Variants in TRPM3 observed in about 807,000 individuals in gnomAD.
TRPM3 encodes long transient receptor potential channel 3.
In TRPM3, 77 loss-of-function variants were observed where a neutral mutation model predicts 181.2. The observed-to-expected ratio is 0.42, with a 90% CI of 0.35 to 0.51. The LOEUF is 0.51. TRPM3 is among the 20% of genes least tolerant of loss of function. The pLI, the probability that TRPM3 is intolerant of heterozygous loss-of-function variation, is 0.01. For missense variants in TRPM3, 1,759 were observed against 2,196.7 expected, an observed-to-expected ratio of 0.80 and a Z score of 3.98; for synonymous variants, 745 against 796.4, an observed-to-expected ratio of 0.94 and a Z score of 1.09.
chr9:71,227,496 G>T (rs1227913494), intron 1 of TRPM3, among the ~76,000 whole-genome samples: 1 of 151,824 alleles, frequency 6.6e-6, no homozygotes, highest in Non-Finnish European at 1.5e-5. Context: ...TAACATAAGG[G>T]CCGAAATAAA....
intron 1 of TRPM3, among the ~76,000 whole-genome samples, chr9:71,401,483 T>C (rs1565536500): frequency 2.0e-5 from 3 of 152,148 alleles, no homozygotes; most frequent in Non-Finnish European, 4.4e-5. Context: ...AGTAGTGTTT[T>C]AAATTAGGTA....
chr9:71,426,706 G>A (rs1242092812), intron 1 of TRPM3, among the ~76,000 whole-genome samples: 1 of 152,046 alleles, frequency 6.6e-6, no homozygotes, highest in Non-Finnish European at 1.5e-5. Context: ...GTTTTGCTGT[G>A]AAAAGCTTCC....
intron 25 of TRPM3, 40 bp downstream of exon 25, chr9:70,549,502 C>T: frequency 1.9e-6 from 3 of 1,584,854 alleles, no homozygotes; most frequent in South Asian, 2.3e-5. Flanking sequence ...CATGCCTTGG[C>T]ACAACACATC....
At chr9:71,387,877 C>T (rs186598646) in intron 1 of TRPM3, among the ~76,000 whole-genome samples, 8 of 152,228 alleles carry the variant, frequency 5.3e-5, no homozygotes, top group East Asian at 1.9e-4. Flanking sequence ...CAGATGCATA[C>T]GTATATAACT....
At chr9:70,566,739 GAA>G in intron 22 of TRPM3, among the ~76,000 whole-genome samples, 1 of 152,152 alleles carries the variant, frequency 6.6e-6, no homozygotes, top group Non-Finnish European at 1.5e-5. Context: ...GAAGGCAGCT[GAA>G]TGTTGGTCCT....
At chr9:70,850,524 T>G (rs1220810895) in intron 3 of TRPM3, among the ~76,000 whole-genome samples, 8 of 152,266 alleles carry the variant, frequency 5.3e-5, no homozygotes, top group Admixed American at 1.3e-4. Flanking sequence ...CCAGGTATAT[T>G]CTTATCTCCA....
intron 1 of TRPM3, among the ~76,000 whole-genome samples, chr9:71,206,663 G>T (rs572859594): frequency 6.6e-6 from 1 of 152,088 alleles, no homozygotes; most frequent in Non-Finnish European, 1.5e-5. Flanking sequence ...CTTTGCTCAT[G>T]CCTATGTCCT....
chr9:71,135,450 C>T (rs547487179), intron 1 of TRPM3, among the ~76,000 whole-genome samples: 2 of 152,258 alleles, frequency 1.3e-5, no homozygotes, highest in South Asian at 4.1e-4. Flanking sequence ...GTTTGGGTCT[C>T]AGAATAATGT....
In TRPM3 at chr9:71,134,014, T is replaced by TGCGCGC. The variant is rs373984405; in HGVS notation, c.184-269504_184-269503insGCGCGC. Among the ~76,000 whole-genome samples the TGCGCGC allele has an allele frequency of 7.1e-4, 100 of 140,030 alleles. 1 individual carries two copies. The highest frequency in any genetic ancestry group is 9.6e-4 in the African/African-American group (37 of 38,678). The allele number at this position is 140,030 out of a possible 152,430, so 91.9% of individuals were successfully genotyped here. A position where few individuals can be genotyped will look rare whatever the true frequency, so the allele number is the denominator to read the frequency against. ...GTGTGTGTGTGTGTGTGTGTGTGTG[T>TGCGCGC]GCGCGTGCGCGCGCGCGCGTGTCTG... On this transcript the variant is annotated intron_variant, in intron 1 of 24. Coordinates refer to the TRPM3 transcript ENST00000357533.
intron 1 of TRPM3, among the ~76,000 whole-genome samples, chr9:71,308,407 C>T (rs1011442867): frequency 2.6e-5 from 4 of 152,088 alleles, no homozygotes; most frequent in Non-Finnish European, 5.9e-5. Context: ...GTTGTTTATA[C>T]ATCTAATTTA....
At chr9:71,377,721 C>A (rs1330288987) in intron 1 of TRPM3, among the ~76,000 whole-genome samples, 1 of 151,830 alleles carries the variant, frequency 6.6e-6, no homozygotes, top group Non-Finnish European at 1.5e-5. Flanking sequence ...TGTGAACACA[C>A]CAATGTTACT....
In TRPM3 at chr9:70,584,328, A is replaced by G. The variant is rs149673601; in HGVS notation, c.3223+6703T>C. 1.9e-3 allele frequency among the ~76,000 whole-genome samples: 288 copies of G among 152,254 alleles called. 1 individual carries two copies. Among genetic ancestry groups the G allele is most frequent in the African/African-American group, 6.7e-3 (277 of 41,562 alleles). On this transcript the variant is annotated intron_variant, in intron 22 of 25. Coordinates refer to ENST00000677713, the MANE Select transcript of TRPM3 (RefSeq NM_001366145.2). The stretch of plus-strand genomic sequence containing the variant: ...TTTTCTACATTGTGGTTCCGAGGCA[A>G]TGTCTGCATTTTTATTGATATTCTT...
chr9:70,939,327 C>CCCGA (rs2096862299), intron 1 of TRPM3, among the ~76,000 whole-genome samples: 2 of 152,208 alleles, frequency 1.3e-5, no homozygotes, highest in Admixed American at 1.3e-4. Flanking sequence ...GTGCTAATTA[C>CCCGA]CCGACAGTCC....
chr9:71,018,452 T>G (rs997377878), intron 1 of TRPM3, among the ~76,000 whole-genome samples: 5 of 151,636 alleles, frequency 3.3e-5, no homozygotes, highest in Admixed American at 2.6e-4. Context: ...ACAGAAAAGT[T>G]GCAAAAAACC....
chr9:71,357,217 C>T (rs928443233), intron 1 of TRPM3, among the ~76,000 whole-genome samples: 3 of 152,168 alleles, frequency 2.0e-5, no homozygotes, highest in Non-Finnish European at 4.4e-5. Context: ...GCAAGCTTTA[C>T]TTCTTGCTGC....
chr9:71,108,742 G>T (rs2070340537), intron 1 of TRPM3, among the ~76,000 whole-genome samples: 1 of 152,140 alleles, frequency 6.6e-6, no homozygotes, highest in Non-Finnish European at 1.5e-5. Flanking sequence ...GGGTCCCTGT[G>T]GCTGTACTTC....
Position 71,121,295 on chromosome 9 carries a change from CAAG to C in TRPM3, c.57_59del (p.Phe19del), listed in dbSNP as rs2073601995. ...CCCCTTCCAAATTCCACCAGGAAAA[CAAG>C]AAACTGAAAACCTGAGCAATGCCTA... On this transcript the variant is annotated inframe_deletion, in exon 1 of 26. Coordinates refer to ENST00000677713, the MANE Select transcript of TRPM3 (RefSeq NM_001366145.2). The C allele has an allele frequency of 6.2e-7, 1 of 1,614,054 alleles. No homozygotes were observed. Among genetic ancestry groups the C allele is most frequent in the Middle Eastern group, 1.6e-4 (1 of 6,062 alleles).
chr9:70,843,216 G>A lies in TRPM3; in HGVS notation c.677-89C>T, dbSNP rs557767963. 7.9e-5 allele frequency: 108 copies of A among 1,362,160 alleles called. 1 individual carries two copies. The East Asian group carries it at 1.1e-3, about 13-fold the overall frequency. 84.4% of individuals were successfully genotyped at this position (1,362,160 alleles called of 1,614,324 possible). A position where few individuals can be genotyped will look rare whatever the true frequency, so the allele number is the denominator to read the frequency against. ...GAAAACTGTGGTAATGGTTTCTCCC[G>A]AGGTTAAATAAATTGAATATAAAAT... On this transcript the variant is annotated intron_variant, in intron 4 of 25. Transcript: ENST00000677713.
chr9:71,077,222 G>A (rs1172048629), intron 1 of TRPM3, among the ~76,000 whole-genome samples: 2 of 152,086 alleles, frequency 1.3e-5, no homozygotes, highest in Non-Finnish European at 2.9e-5. Flanking sequence ...CAGGAATCCA[G>A]GAATCTACGT....
Sources: gnomAD v4.1 joint callset for allele counts (sites outside exome capture counted in the v4.1 genomes callset) on GRCh38, gnomAD v4.1.1 for gene constraint, MANE v1.5 for transcripts, NCBI Gene and HGNC (gene_info 2026-07-23, HGNC 2026-07-21) for gene names.